Variants in GRM1 observed in about 807,000 individuals in gnomAD.
The protein encoded by GRM1 is metabotropic glutamate receptor 1.
GRM1 carries 33 observed loss-of-function variants against 90.9 expected under a neutral mutation model. The ratio of observed to expected loss-of-function variants is 0.36; its 90% CI spans 0.28 to 0.49. The LOEUF (loss-of-function observed/expected upper bound fraction) is 0.49, where lower values mean the gene tolerates loss of function less well. GRM1 is among the 20% of genes least tolerant of loss of function. The pLI is 0.99. For synonymous variants in GRM1, 700 were observed against 613.2 expected (o/e 1.14, Z -2.09); for missense variants, 1,190 against 1,534.3 (o/e 0.78, Z 3.75).
intron 3 of GRM1, among the ~76,000 whole-genome samples, chr6:146,345,979 A>C (rs1785174891): frequency 6.6e-6 from 1 of 152,236 alleles, no homozygotes; most frequent in Non-Finnish European, 1.5e-5. Context: ...CCAGGTCAAT[A>C]ATAACAGCAA....
chr6:146,339,119 T>C (rs1230816390), intron 3 of GRM1, among the ~76,000 whole-genome samples: 1 of 152,236 alleles, frequency 6.6e-6, no homozygotes, highest in Non-Finnish European at 1.5e-5. Context: ...ATCACTGTGG[T>C]ATTAAATTCT....
At chr6:146,309,390 C>T (rs1783700131) in intron 3 of GRM1, among the ~76,000 whole-genome samples, 1 of 150,664 alleles carries the variant, frequency 6.6e-6, no homozygotes, top group African/African-American at 2.4e-5. Context: ...CAGAGCGAGA[C>T]TCTGTCTCAA....
At chr6:146,045,659 A>T (rs1248982011) in intron 1 of GRM1, among the ~76,000 whole-genome samples, 1 of 151,432 alleles carries the variant, frequency 6.6e-6, no homozygotes, top group African/African-American at 2.4e-5. Flanking sequence ...TCAACTTCCA[A>T]GAACCAGCAA....
chr6:146,106,359 T>C lies in GRM1; in HGVS notation c.701-52989T>C, dbSNP rs529594313. Among the ~76,000 whole-genome samples, 6 of 152,344 alleles carry C rather than the reference T, an allele frequency of 3.9e-5. No individual in the cohort carries two copies. The East Asian group carries it at 9.6e-4, about 24-fold the overall frequency. ...CAGACCCTTAAGATACCTTTGTGGA[T>C]GGCAAGTGCTTCTGCTTTCATCATA... On this transcript the variant is annotated intron_variant, in intron 1 of 7. Coordinates refer to ENST00000282753, the MANE Select transcript of GRM1 (RefSeq NM_001278064.2).
chr6:146,367,805 T>G (rs1193521846), intron 5 of GRM1, among the ~76,000 whole-genome samples: 1 of 152,166 alleles, frequency 6.6e-6, no homozygotes, highest in Non-Finnish European at 1.5e-5. Flanking sequence ...TTTTTCTTTA[T>G]TCAGTCCACC....
intron 2 of GRM1, among the ~76,000 whole-genome samples, chr6:146,203,280 T>C (rs929031308): frequency 6.6e-6 from 1 of 152,154 alleles, no homozygotes; most frequent in Non-Finnish European, 1.5e-5. Context: ...GAGGAGTTTA[T>C]TTCCTGGTCA....
At chr6:146,257,070 C>A (rs939948503) in intron 2 of GRM1, among the ~76,000 whole-genome samples, 10 of 152,088 alleles carry the variant, frequency 6.6e-5, no homozygotes, top group Non-Finnish European at 4.4e-5. Context: ...TTTTGAAATT[C>A]TGGAACTTAA....
intron 2 of GRM1, among the ~76,000 whole-genome samples, chr6:146,196,104 C>T (rs1018783642): frequency 6.6e-6 from 1 of 152,110 alleles, no homozygotes; most frequent in Non-Finnish European, 1.5e-5. Flanking sequence ...GTTGTTGGTG[C>T]ATGATAATGG....
At chr6:146,345,823 A>G (rs540261540) in intron 3 of GRM1, among the ~76,000 whole-genome samples, 1 of 152,316 alleles carries the variant, frequency 6.6e-6, no homozygotes, top group South Asian at 2.1e-4. Flanking sequence ...GATTCTTACA[A>G]CAGTCTAACT....
chr6:146,262,383 A>C (rs1781729622), intron 2 of GRM1, among the ~76,000 whole-genome samples: 1 of 152,064 alleles, frequency 6.6e-6, no homozygotes, highest in South Asian at 2.1e-4. Context: ...AAAGTATCTT[A>C]AGTAAATTAA....
chr6:146,034,997 T>G (rs981137705), intron 1 of GRM1, among the ~76,000 whole-genome samples: 1 of 151,984 alleles, frequency 6.6e-6, no homozygotes, highest in African/African-American at 2.4e-5. Context: ...TTTATAAACA[T>G]GAGTTTATTC....
intron 6 of GRM1, among the ~76,000 whole-genome samples, chr6:146,395,513 T>C (rs1190191185): frequency 6.6e-6 from 1 of 152,174 alleles, no homozygotes; most frequent in Admixed American, 6.5e-5. Context: ...AATCTTCTCT[T>C]TTCTGCTCTT....
At chr6:146,255,103 C>T (rs957318220) in intron 2 of GRM1, among the ~76,000 whole-genome samples, 1 of 152,184 alleles carries the variant, frequency 6.6e-6, no homozygotes, top group Non-Finnish European at 1.5e-5. Flanking sequence ...TAGTTTTCTG[C>T]TCTGCACACA....
chr6:146,146,996 CA>C (rs1777134885), intron 1 of GRM1, among the ~76,000 whole-genome samples: 1 of 152,152 alleles, frequency 6.6e-6, no homozygotes, highest in Non-Finnish European at 1.5e-5. Flanking sequence ...AAAGAAGAGA[CA>C]AAAGGCTTAA....
intron 3 of GRM1, among the ~76,000 whole-genome samples, chr6:146,340,238 A>G (rs1784921354): frequency 6.6e-6 from 1 of 152,164 alleles, no homozygotes; most frequent in African/African-American, 2.4e-5. Flanking sequence ...ATGCTGATCA[A>G]TCTTTTCCCT....
intron 2 of GRM1, among the ~76,000 whole-genome samples, chr6:146,202,985 GGA>G (rs1360030973): frequency 6.6e-6 from 1 of 152,080 alleles, no homozygotes; most frequent in East Asian, 1.9e-4. Flanking sequence ...CACGAGGTCA[GGA>G]GAGAGAGACA....
In GRM1 at chr6:146,435,293, G is replaced by A. The variant is rs540435594; in HGVS notation, c.*497G>A. 3.5e-5 allele frequency: 9 copies of A among 254,080 alleles called. No individual in the cohort carries two copies. The highest frequency in any genetic ancestry group is 6.8e-5 in the African/African-American group (3 of 44,358). 15.7% of individuals were successfully genotyped at this position (254,080 alleles called of 1,614,324 possible). On this transcript the variant is annotated 3_prime_UTR_variant, in exon 8 of 8. Transcript: ENST00000282753. ...AGGTGCGGGGAAGGGAAGGGCCCAG[G>A]CCAGACCCATCCCAAACGGATGATG...
intron 2 of GRM1, among the ~76,000 whole-genome samples, chr6:146,257,705 A>AG (rs1781537684): frequency 6.6e-6 from 1 of 152,146 alleles, no homozygotes; most frequent in Non-Finnish European, 1.5e-5. Context: ...AGACTCGTGA[A>AG]CCAGCTCAAG....
At chr6:146,301,074 T>C (rs181417063) in intron 2 of GRM1, among the ~76,000 whole-genome samples, 1 of 152,330 alleles carries the variant, frequency 6.6e-6, no homozygotes, top group African/African-American at 2.4e-5. Context: ...CATGATAGCA[T>C]TCTCTAACAC....
Sources: gnomAD v4.1 joint callset for allele counts (sites outside exome capture counted in the v4.1 genomes callset) on GRCh38, gnomAD v4.1.1 for gene constraint, MANE v1.5 for transcripts, NCBI Gene and HGNC (gene_info 2026-07-23, HGNC 2026-07-21) for gene names.